CYP7B1: variants seen among roughly 807,000 people sequenced by gnomAD.
The protein encoded by CYP7B1 is cytochrome P450 family 7 subfamily B member 1.
Under a neutral mutation model 42.7 loss-of-function variants are expected in CYP7B1, and 29 were observed. That is an observed-to-expected ratio of 0.68 (90% confidence interval 0.51 to 0.93). The LOEUF is 0.93. Ranked by LOEUF, CYP7B1 falls within the 40% of genes least tolerant of loss-of-function variation. The pLI is 0.00. For synonymous variants in CYP7B1, 235 were observed against 218.2 expected, an observed-to-expected ratio of 1.08 and a Z score of -0.68; for missense variants, 655 against 600.5, an observed-to-expected ratio of 1.09 and a Z score of -0.95.
intron 1 of CYP7B1, among the ~76,000 whole-genome samples, chr8:64,647,793 C>A (rs558204156): frequency 6.6e-6 from 1 of 152,246 alleles, no homozygotes; most frequent in East Asian, 1.9e-4. Flanking sequence ...GCAGTCTACT[C>A]TACTGAGTCC....
intron 1 of CYP7B1, among the ~76,000 whole-genome samples, chr8:64,747,481 C>G (rs1274414861): frequency 1.3e-5 from 2 of 151,130 alleles, no homozygotes; most frequent in Non-Finnish European, 2.9e-5. Flanking sequence ...AATTAACACA[C>G]ATTTGTATAT....
intron 1 of CYP7B1, among the ~76,000 whole-genome samples, chr8:64,721,742 T>A (rs1022646273): frequency 6.6e-6 from 1 of 152,178 alleles, no homozygotes; most frequent in Non-Finnish European, 1.5e-5. Context: ...ATATTTCATA[T>A]CTATGAAAAC....
chr8:64,652,013 T>C (rs943628454), intron 1 of CYP7B1, among the ~76,000 whole-genome samples: 1 of 152,194 alleles, frequency 6.6e-6, no homozygotes, highest in African/African-American at 2.4e-5. Context: ...GGTCTATCAA[T>C]GATAGCTATT....
Position 64,596,430 on chromosome 8 carries a change from TG to T in CYP7B1, c.*211del. On this transcript the variant is annotated 3_prime_UTR_variant, in exon 6 of 6. Transcript: ENST00000310193. Reference sequence around the variant, plus strand: ...CCCTGTTTTGAGCCTACCCTTAAGTTGATTTTGATGTCCATTTTCCTGCCAC... The same window carrying T: ...CCCTGTTTTGAGCCTACCCTTAAGTTATTTTGATGTCCATTTTCCTGCCAC... The T allele has an allele frequency of 9.8e-6, 5 of 509,154 alleles. No individual in the cohort carries two copies. In the East Asian group the frequency reaches 1.7e-4, roughly 17 times the overall value. 31.5% of individuals were successfully genotyped at this position (509,154 alleles called of 1,614,324 possible). A position where few individuals can be genotyped will look rare whatever the true frequency, so the allele number is the denominator to read the frequency against.
chr8:64,620,560 C>T (rs1057077117), intron 2 of CYP7B1, among the ~76,000 whole-genome samples: 5 of 152,250 alleles, frequency 3.3e-5, no homozygotes, highest in East Asian at 1.9e-4. Flanking sequence ...AGATGACATC[C>T]GTGTCCCTTG....
intron 1 of CYP7B1, among the ~76,000 whole-genome samples, chr8:64,660,853 G>A (rs1008391339): frequency 6.6e-6 from 1 of 152,158 alleles, no homozygotes; most frequent in African/African-American, 2.4e-5. Flanking sequence ...GAAGGACTCA[G>A]GAATGAGGGA....
chr8:64,668,094 A>G (rs1220107072), intron 1 of CYP7B1, among the ~76,000 whole-genome samples: 1 of 152,200 alleles, frequency 6.6e-6, no homozygotes, highest in Non-Finnish European at 1.5e-5. Context: ...CAGCCTTCCT[A>G]TCAACAGCAG....
At chr8:64,670,255 T>G (rs1354507793) in intron 1 of CYP7B1, among the ~76,000 whole-genome samples, 1 of 152,294 alleles carries the variant, frequency 6.6e-6, no homozygotes, top group East Asian at 1.9e-4. Context: ...GGAGAACACC[T>G]CACTTTACAC....
At position 64,798,632 on chromosome 8, in the gene CYP7B1, G is replaced by A. The variant is rs2129749519; in HGVS notation, c.-45C>T. 6.9e-7 allele frequency: 1 copy of A among 1,443,632 alleles called. No homozygotes were observed. The highest frequency in any genetic ancestry group is 9.0e-7 in the Non-Finnish European group (1 of 1,107,494). The allele number at this position is 1,443,632 out of a possible 1,614,324, so 89.4% of individuals were successfully genotyped here. On this transcript the variant is annotated 5_prime_UTR_variant, in exon 1 of 6. Coordinates refer to ENST00000310193, the MANE Select transcript of CYP7B1 (RefSeq NM_004820.5). ...GGTGGGCAGCCCGGGGTCTGCCTGC[G>A]AACAGCGCGGTCGGCGACTCTGCAG...
chr8:64,771,163 T>C (rs1222019250), intron 1 of CYP7B1, among the ~76,000 whole-genome samples: 1 of 144,950 alleles, frequency 6.9e-6, no homozygotes, highest in Non-Finnish European at 1.5e-5. Context: ...TGGGTTCAAG[T>C]GATTCTCCTG....
chr8:64,606,353 C>T (rs1159747884), intron 4 of CYP7B1, among the ~76,000 whole-genome samples: 1 of 152,234 alleles, frequency 6.6e-6, no homozygotes, highest in Non-Finnish European at 1.5e-5. Context: ...GGCTCGGCCT[C>T]CCATGTACTG....
chr8:64,651,289 G>A (rs760992963), intron 1 of CYP7B1, among the ~76,000 whole-genome samples: 2 of 152,196 alleles, frequency 1.3e-5, no homozygotes, highest in Non-Finnish European at 2.9e-5. Flanking sequence ...TGATACACAG[G>A]TCCATACTAG....
At chr8:64,661,645 G>C (rs1358513690) in intron 1 of CYP7B1, among the ~76,000 whole-genome samples, 1 of 152,162 alleles carries the variant, frequency 6.6e-6, no homozygotes, top group Non-Finnish European at 1.5e-5. Context: ...ATCTGATACA[G>C]ATTGGAAGTC....
At chr8:64,722,659 T>C (rs1335538254) in intron 1 of CYP7B1, among the ~76,000 whole-genome samples, 1 of 142,292 alleles carries the variant, frequency 7.0e-6, no homozygotes, top group Non-Finnish European at 1.5e-5. Flanking sequence ...TCCTGATGCT[T>C]ACCTAGGAAA....
intron 1 of CYP7B1, among the ~76,000 whole-genome samples, chr8:64,628,443 G>A (rs1464700513): frequency 1.3e-5 from 2 of 151,848 alleles, no homozygotes; most frequent in Non-Finnish European, 2.9e-5. Context: ...GCTAGGAGTT[G>A]GAGACCAGCC....
chr8:64,686,228 T>TG (rs1372621775), intron 1 of CYP7B1, among the ~76,000 whole-genome samples: 2 of 24,834 alleles, frequency 8.1e-5, no homozygotes, highest in South Asian at 1.6e-3. Flanking sequence ...GGGAGGGAGG[T>TG]GGGGGGGTCG....
chr8:64,600,207 G>T (rs1426058674), intron 5 of CYP7B1, among the ~76,000 whole-genome samples: 4 of 152,190 alleles, frequency 2.6e-5, no homozygotes, highest in African/African-American at 9.7e-5. Flanking sequence ...TAGAAATCAA[G>T]TTTGGATAGA....
intron 1 of CYP7B1, among the ~76,000 whole-genome samples, chr8:64,696,691 T>C (rs1000901745): frequency 7.9e-5 from 12 of 152,240 alleles, no homozygotes; most frequent in African/African-American, 2.2e-4. Flanking sequence ...CTGATTTCCA[T>C]ACGAAATAGT....
intron 1 of CYP7B1, among the ~76,000 whole-genome samples, chr8:64,794,322 C>A (rs1471187711): frequency 2.0e-5 from 3 of 152,230 alleles, no homozygotes; most frequent in South Asian, 4.1e-4. Flanking sequence ...GAAGTCTGCA[C>A]AGAGGCTTCA....
Sources: gnomAD v4.1 joint callset for allele counts (sites outside exome capture counted in the v4.1 genomes callset) on GRCh38, gnomAD v4.1.1 for gene constraint, MANE v1.5 for transcripts, NCBI Gene and HGNC (gene_info 2026-07-23, HGNC 2026-07-21) for gene names.